The following SH3PXD2B variants were observed in gnomAD, a reference collection of about 807,000 sequenced individuals.
The protein encoded by SH3PXD2B is SH3 and PX domains 2B.
A neutral mutation model predicts 73.1 loss-of-function variants in SH3PXD2B; 37 were observed. The ratio of observed to expected loss-of-function variants is 0.51; its 90% CI spans 0.39 to 0.67. SH3PXD2B has a LOEUF of 0.67. SH3PXD2B is among the 30% of genes least tolerant of loss of function. SH3PXD2B has a pLI of 0.00. For synonymous variants in SH3PXD2B, 457 were observed against 480.5 expected, an observed-to-expected ratio of 0.95 and a Z score of 0.64; for missense variants, 1,053 against 1,197.8, an observed-to-expected ratio of 0.88 and a Z score of 1.78.
Position 172,334,093 on chromosome 5 carries a change from C to T in SH3PXD2B, c.*4276G>A. 1.2e-5 allele frequency: 14 copies of T among 1,132,008 alleles called. No homozygotes were observed. The highest frequency in any genetic ancestry group is 1.5e-5 in the Non-Finnish European group (14 of 918,904). 70.1% of individuals were successfully genotyped at this position (1,132,008 alleles called of 1,614,324 possible). On this transcript the variant is annotated 3_prime_UTR_variant, in exon 13 of 13. Coordinates refer to ENST00000311601, the MANE Select transcript of SH3PXD2B (RefSeq NM_001017995.3). ...ACAGAAGAGGTTGAGCCCCTCATCCCTGATTGGAGCTAAGAAGGCTTACTT... is the reference window on the plus strand; with the variant it reads ...ACAGAAGAGGTTGAGCCCCTCATCCTTGATTGGAGCTAAGAAGGCTTACTT...
chr5:172,379,423 C>T (rs1218269521), intron 5 of SH3PXD2B, among the ~76,000 whole-genome samples: 2 of 152,038 alleles, frequency 1.3e-5, no homozygotes, highest in Non-Finnish European at 2.9e-5. Flanking sequence ...TCACCAGGCA[C>T]TGAAATAGCT....
At chr5:172,362,275 A>G (rs1380306071) in intron 7 of SH3PXD2B, among the ~76,000 whole-genome samples, 1 of 152,172 alleles carries the variant, frequency 6.6e-6, no homozygotes, top group East Asian at 1.9e-4. Context: ...CAGTCATACC[A>G]CATTCTGTCC....
chr5:172,439,293 C>CAAAAAAAAAAAAA (rs1233319484), intron 1 of SH3PXD2B, among the ~76,000 whole-genome samples: 7 of 61,612 alleles, frequency 1.1e-4, no homozygotes, highest in African/African-American at 5.0e-4. Context: ...AAAAAAAAAC[C>CAAAAAAAAAAAAA]CCAAAAAAAA....
downstream of SH3PXD2B, chr5:172,333,376 C>T: frequency 1.6e-5 from 7 of 445,038 alleles, no homozygotes; most frequent in Non-Finnish European, 2.2e-5. Context: ...GAGGGGTCGC[C>T]CCTATTTCTC....
At chr5:172,358,313 C>T (rs562449199) in intron 8 of SH3PXD2B, among the ~76,000 whole-genome samples, 25 of 152,292 alleles carry the variant, frequency 1.6e-4, no homozygotes, top group Admixed American at 3.9e-4. Context: ...TGGGAAACAA[C>T]GGAAGTGTGT....
chr5:172,406,472 C>T, intron 2 of SH3PXD2B, 120 bp from the exon 3 acceptor site: 8 of 1,160,208 alleles, frequency 6.9e-6, no homozygotes, highest in Non-Finnish European at 9.9e-6. Flanking sequence ...TCACTGCGTT[C>T]AGCTTTCCAG....
At chr5:172,426,825 G>C (rs1759105887) in intron 1 of SH3PXD2B, among the ~76,000 whole-genome samples, 1 of 152,244 alleles carries the variant, frequency 6.6e-6, no homozygotes, top group Non-Finnish European at 1.5e-5. Flanking sequence ...CAGAGGGAGA[G>C]AGGAGGGCTC....
chr5:172,395,679 G>A (rs1758277315), intron 3 of SH3PXD2B, among the ~76,000 whole-genome samples: 1 of 152,174 alleles, frequency 6.6e-6, no homozygotes, highest in Non-Finnish European at 1.5e-5. Context: ...TATGCACTAA[G>A]GGTTAAGACC....
chr5:172,444,506 T>C (rs1054308456), intron 1 of SH3PXD2B, among the ~76,000 whole-genome samples: 1 of 152,236 alleles, frequency 6.6e-6, no homozygotes, highest in Non-Finnish European at 1.5e-5. Flanking sequence ...CTTGAGCACA[T>C]AGTAAGCGCT....
chr5:172,441,818 C>T (rs181970873), intron 1 of SH3PXD2B, among the ~76,000 whole-genome samples: 151 of 152,122 alleles, frequency 9.9e-4, no homozygotes, highest in Middle Eastern at 3.4e-3. Flanking sequence ...GGGACAGCCA[C>T]CTTTTAGGGG....
At position 172,339,743 on chromosome 5, in the gene SH3PXD2B, C is replaced by T. The variant is rs772466608; in HGVS notation, c.1362G>A (p.Ala454=). ...CTTCGCTGCCCGTGTTGTTCTCCAGCGCTGCTGCTTCCCCCAGCCGGAGCT... is the reference window on the plus strand; with the variant it reads ...CTTCGCTGCCCGTGTTGTTCTCCAGTGCTGCTGCTTCCCCCAGCCGGAGCT... ...VTQLRLGEAA[A]LENNTGSEAT... The change falls in exon 13 of 13, where the codon GCG becomes GCA. Residue 454 remains alanine, a synonymous_variant. Coordinates refer to ENST00000311601, the MANE Select transcript of SH3PXD2B (RefSeq NM_001017995.3). This position sits in a 1 kb window ranked among gnomAD's most constrained non-coding sequence, Gnocchi z 6.1. The T allele has an allele frequency of 6.0e-5, 97 of 1,613,508 alleles. No individual in the cohort carries two copies. Among genetic ancestry groups the T allele is most frequent in the Admixed American group, 3.8e-4 (23 of 59,990 alleles).
chr5:172,333,878 G>C lies in SH3PXD2B; in HGVS notation c.*4491C>G, dbSNP rs1756623724. On this transcript the variant is annotated 3_prime_UTR_variant, in exon 13 of 13. Transcript: ENST00000311601. ...ATCATCACCCCTCTAAGTGAAAGGG[G>C]CGCTAACAATAATTACACGGGCACA... The C allele has an allele frequency of 7.8e-7, 1 of 1,275,058 alleles. No individual in the cohort carries two copies. Among genetic ancestry groups the C allele is most frequent in the Non-Finnish European group, 1.0e-6 (1 of 985,516 alleles). The allele number at this position is 1,275,058 out of a possible 1,614,324, so 79.0% of individuals were successfully genotyped here. A position where few individuals can be genotyped will look rare whatever the true frequency, so the allele number is the denominator to read the frequency against.
At position 172,365,891 on chromosome 5, in the gene SH3PXD2B, T is replaced by C. The variant is rs565795253; in HGVS notation, c.428-3022A>G. On this transcript the variant is annotated intron_variant, in intron 6 of 12. Transcript: ENST00000311601. ...TCTTCTCTGAATCCAATCCAGCATC[T>C]ACCCCAGGATACAGCCTGCCCGAGG... 2.0e-5 allele frequency among the ~76,000 whole-genome samples: 3 copies of C among 152,264 alleles called. No individual in the cohort carries two copies. The South Asian group carries it at 6.2e-4, about 32-fold the overall frequency.
In SH3PXD2B at chr5:172,364,077, C is replaced by T. The variant is rs539864106; in HGVS notation, c.428-1208G>A. On this transcript the variant is annotated intron_variant, in intron 6 of 12. Transcript: ENST00000311601. ...CATGGGATTCAGGGTGGACAGCTTC[C>T]TGGGAGTCGTGTGGCCCTGGTTAAG... 5.3e-5 allele frequency among the ~76,000 whole-genome samples: 8 copies of T among 152,186 alleles called. No individual in the cohort carries two copies. In the South Asian group the frequency reaches 1.5e-3, roughly 28 times the overall value.
chr5:172,364,759 T>G (rs1267989333), intron 6 of SH3PXD2B, among the ~76,000 whole-genome samples: 1 of 152,158 alleles, frequency 6.6e-6, no homozygotes, highest in Non-Finnish European at 1.5e-5. Flanking sequence ...GAGCTGACTT[T>G]GTGCATCTCT....
chr5:172,368,498 A>ATATATATATATATATAAAATATATATAT (rs1757588124), intron 6 of SH3PXD2B, among the ~76,000 whole-genome samples: 1 of 5,834 alleles, frequency 1.7e-4, no homozygotes, highest in Non-Finnish European at 3.0e-4. Flanking sequence ...TATATATATT[A>ATATATATATATATATAAAATATATATAT]TATATATATA....
At chr5:172,441,360 C>A (rs902494473) in intron 1 of SH3PXD2B, among the ~76,000 whole-genome samples, 1 of 152,236 alleles carries the variant, frequency 6.6e-6, no homozygotes, top group Non-Finnish European at 1.5e-5. Context: ...ACTGACTGCT[C>A]GGCCTGGGGC....
chr5:172,389,749 C>T (rs970910027), intron 4 of SH3PXD2B, among the ~76,000 whole-genome samples: 6 of 151,996 alleles, frequency 3.9e-5, no homozygotes, highest in Non-Finnish European at 7.4e-5. Flanking sequence ...AAAGCCTACT[C>T]CTCAAAGTGG....
chr5:172,384,402 C>T (rs574393129), intron 4 of SH3PXD2B, among the ~76,000 whole-genome samples: 9 of 152,288 alleles, frequency 5.9e-5, no homozygotes, highest in South Asian at 2.1e-4. Context: ...GTGTACCGTA[C>T]GGTGCATTAA....
Sources: allele counts gnomAD v4.1 joint callset (sites outside exome capture counted in the v4.1 genomes callset), GRCh38; gene constraint gnomAD v4.1.1; non-coding constraint Gnocchi (gnomAD v3.1); transcripts MANE v1.5; gene names NCBI Gene and HGNC (gene_info 2026-07-23, HGNC 2026-07-21).